PRKG1: variants seen among roughly 807,000 people sequenced by gnomAD.
PRKG1 encodes cGMP-dependent protein kinase 1.
A neutral mutation model predicts 88.1 loss-of-function variants in PRKG1; 35 were observed. The ratio of observed to expected loss-of-function variants is 0.40; its 90% CI spans 0.30 to 0.53. The LOEUF (loss-of-function observed/expected upper bound fraction) is 0.53. PRKG1 is among the 20% of genes least tolerant of loss of function. PRKG1 has a pLI of 0.59. For missense variants in PRKG1, 540 were observed against 839.8 expected, an observed-to-expected ratio of 0.64 and a Z score of 4.41; for synonymous variants, 303 against 292.5, an observed-to-expected ratio of 1.04 and a Z score of -0.37.
chr10:51,594,276 C>T (rs1838385703), intron 3 of PRKG1, among the ~76,000 whole-genome samples: 1 of 152,162 alleles, frequency 6.6e-6, no homozygotes, highest in African/African-American at 2.4e-5. Context: ...CATCTTCCCA[C>T]CTCGGCCTCT....
At chr10:51,597,789 C>T (rs1030700220) in intron 3 of PRKG1, among the ~76,000 whole-genome samples, 3 of 152,060 alleles carry the variant, frequency 2.0e-5, no homozygotes, top group African/African-American at 4.8e-5. Flanking sequence ...ACGTATATTA[C>T]TTATATAAGC....
chr10:51,624,191 ATAAAGT>A (rs1239866217), intron 3 of PRKG1, among the ~76,000 whole-genome samples: 1 of 152,218 alleles, frequency 6.6e-6, no homozygotes, highest in African/African-American at 2.4e-5. Flanking sequence ...AATGACAACC[ATAAAGT>A]TAAAGTGTGT....
At chr10:51,175,855 C>T (rs1837177780) in intron 2 of PRKG1, among the ~76,000 whole-genome samples, 1 of 152,058 alleles carries the variant, frequency 6.6e-6, no homozygotes, top group Non-Finnish European at 1.5e-5. Flanking sequence ...GATCCTGTTT[C>T]TGAATGATTA....
intron 3 of PRKG1, among the ~76,000 whole-genome samples, chr10:51,481,954 T>G (rs1466455630): frequency 3.3e-5 from 5 of 152,208 alleles, no homozygotes; most frequent in Non-Finnish European, 5.9e-5. Flanking sequence ...TAATTTTTTT[T>G]TAGTTCATAT....
At chr10:51,761,141 A>G (rs1838012085) in intron 3 of PRKG1, among the ~76,000 whole-genome samples, 1 of 152,176 alleles carries the variant, frequency 6.6e-6, no homozygotes, top group South Asian at 2.1e-4. Flanking sequence ...GATCAACAGG[A>G]ACCCATTATT....
chr10:51,203,244 T>A (rs898553645), intron 2 of PRKG1, among the ~76,000 whole-genome samples: 3 of 152,216 alleles, frequency 2.0e-5, no homozygotes, highest in South Asian at 2.1e-4. Flanking sequence ...GTTTTGTCCC[T>A]TTTCAAACAT....
At chr10:51,592,413 C>T (rs760589838) in intron 3 of PRKG1, among the ~76,000 whole-genome samples, 7 of 152,172 alleles carry the variant, frequency 4.6e-5, no homozygotes, top group East Asian at 3.9e-4. Context: ...AAAGTACAAT[C>T]TTTGAGAGCA....
chr10:51,787,027 T>C (rs1838746458), intron 3 of PRKG1, among the ~76,000 whole-genome samples: 1 of 152,140 alleles, frequency 6.6e-6, no homozygotes, highest in Non-Finnish European at 1.5e-5. Context: ...ACATTTTTGG[T>C]CATTGTGGTT....
chr10:50,991,262 C>T lies in PRKG1; in HGVS notation c.-117C>T. On this transcript the variant is annotated 5_prime_UTR_variant, in exon 1 of 18. Coordinates refer to the PRKG1 transcript ENST00000401604. The surrounding 1 kb of genome is among the most constrained non-coding windows in gnomAD (Gnocchi z 4.5). ...CACTCCGCCGCGCTCGAGTACTTAG[C>T]GCCCATTCACTCGCTCACCCGCGCT... The T allele has an allele frequency of 7.2e-7, 1 of 1,394,492 alleles. No individual in the cohort carries two copies. Among genetic ancestry groups the T allele is most frequent in the Non-Finnish European group, 9.5e-7 (1 of 1,058,018 alleles). 86.4% of individuals were successfully genotyped at this position (1,394,492 alleles called of 1,614,324 possible).
chr10:51,742,803 T>A (rs7896914), intron 3 of PRKG1, among the ~76,000 whole-genome samples: 92,569 of 151,840 alleles, frequency 0.61, 29,052 homozygotes, highest in African/African-American at 0.72. Flanking sequence ...ATGAGTATGG[T>A]CAAAGTCACC....
chr10:52,078,158 C>T (rs1589586039), intron 7 of PRKG1, among the ~76,000 whole-genome samples: 1 of 152,222 alleles, frequency 6.6e-6, no homozygotes, highest in Non-Finnish European at 1.5e-5. Context: ...CATCCATATG[C>T]ACTTAATTCC....
chr10:51,828,547 C>T (rs1488101351), intron 4 of PRKG1, among the ~76,000 whole-genome samples: 1 of 152,140 alleles, frequency 6.6e-6, no homozygotes, highest in East Asian at 1.9e-4. Flanking sequence ...ATCAGTATCA[C>T]TTATACTGGA....
rs546196863 is a variant in PRKG1, at chr10:51,784,694, A to G, written c.593-19891A>G. Among the ~76,000 whole-genome samples the G allele has an allele frequency of 2.6e-5, 4 of 152,272 alleles. No individual in the cohort carries two copies. In the Middle Eastern group the frequency reaches 0.01, roughly 391 times the overall value. On this transcript the variant is annotated intron_variant, in intron 3 of 17. Coordinates refer to ENST00000373980, the MANE Select transcript of PRKG1 (RefSeq NM_006258.4). ...CTTAGTCTACATGCTTTATTCAGGC[A>G]TTCACCTACAATATGATTACAGTAT...
intron 1 of PRKG1, among the ~76,000 whole-genome samples, chr10:51,041,796 G>A (rs998335971): frequency 1.3e-5 from 2 of 152,206 alleles, no homozygotes; most frequent in African/African-American, 4.8e-5. Flanking sequence ...GAGGAGTGGT[G>A]TAACCTATCT....
chr10:51,355,094 C>T (rs1174651007), intron 2 of PRKG1, among the ~76,000 whole-genome samples: 1 of 152,050 alleles, frequency 6.6e-6, no homozygotes, highest in Non-Finnish European at 1.5e-5. Flanking sequence ...TGGGTCCATA[C>T]AACATGGGAT....
intron 3 of PRKG1, among the ~76,000 whole-genome samples, chr10:51,707,239 A>G (rs1488498710): frequency 2.6e-5 from 4 of 152,174 alleles, no homozygotes; most frequent in African/African-American, 9.7e-5. Flanking sequence ...AGTCGGCTAG[A>G]ATTCCACTTG....
Position 51,886,760 on chromosome 10 carries a change from C to G in PRKG1, c.699-20747C>G, listed in dbSNP as rs1589389107. Among the ~76,000 whole-genome samples the G allele has an allele frequency of 2.6e-5, 4 of 152,092 alleles. No homozygotes were observed. The South Asian group carries it at 8.3e-4, about 32-fold the overall frequency. ...GAAATAATGTTCTATTGTATGAAGA[C>G]ATTTGTCCTTGGGTATCCAAGGGTA... is the stretch of plus-strand genomic sequence containing the variant. On this transcript the variant is annotated intron_variant, in intron 4 of 17. Transcript: ENST00000373980.
intron 3 of PRKG1, among the ~76,000 whole-genome samples, chr10:51,509,501 CAGAGG>C (rs1203945367): frequency 6.6e-6 from 1 of 152,122 alleles, no homozygotes; most frequent in Non-Finnish European, 1.5e-5. Context: ...AGGTTGGTAG[CAGAGG>C]TTATAAAATA....
In PRKG1 at chr10:51,505,885, C is replaced by T. The variant is rs890370549; in HGVS notation, c.592+38049C>T. Among the ~76,000 whole-genome samples, 22 of 152,030 alleles carry T rather than the reference C, an allele frequency of 1.4e-4. No homozygotes were observed. The South Asian group carries it at 1.9e-3, about 13-fold the overall frequency. ...TTTTCTTCTTTATTAGTCTTGCTAG[C>T]GGTCTATCAATTTTGTTGATCTTTT... On this transcript the variant is annotated intron_variant, in intron 3 of 17. Transcript: ENST00000373980.
Sources: allele counts gnomAD v4.1 joint callset (sites outside exome capture counted in the v4.1 genomes callset), GRCh38; gene constraint gnomAD v4.1.1; non-coding constraint Gnocchi (gnomAD v3.1); transcripts MANE v1.5; gene names NCBI Gene and HGNC (gene_info 2026-07-23, HGNC 2026-07-21).